The following EIF4G3 variants were observed in gnomAD, a reference collection of about 807,000 sequenced individuals.
The protein encoded by EIF4G3 is eukaryotic translation initiation factor 4 gamma 3.
EIF4G3 carries 34 observed loss-of-function variants against 186.4 expected under a neutral mutation model. The observed-to-expected ratio is 0.18, with a 90% confidence interval of 0.14 to 0.24. The LOEUF (loss-of-function observed/expected upper bound fraction) is 0.24. Ranked by LOEUF, EIF4G3 falls within the 10% of genes least tolerant of loss-of-function variation. The pLI, the probability that EIF4G3 is intolerant of heterozygous loss-of-function variation, is 1.00. For synonymous variants in EIF4G3, 673 were observed against 679.5 expected (o/e 0.99, Z 0.15); for missense variants, 1,536 against 1,948.5 (o/e 0.79, Z 3.99).
chr1:20,857,144 C>A (rs1239653471), intron 25 of EIF4G3, among the ~76,000 whole-genome samples: 1 of 99,118 alleles, frequency 1.0e-5, no homozygotes, highest in Non-Finnish European at 1.8e-5. Context: ...GCCTGGGCGA[C>A]AGAGTGAGAC....
chr1:20,960,025 C>T (rs1233515750), intron 12 of EIF4G3, among the ~76,000 whole-genome samples: 1 of 151,900 alleles, frequency 6.6e-6, no homozygotes, highest in Non-Finnish European at 1.5e-5. Flanking sequence ...TTTGATCCAG[C>T]AACCCCACTA....
intron 2 of EIF4G3, among the ~76,000 whole-genome samples, chr1:21,164,974 C>G (rs527632034): frequency 6.6e-6 from 1 of 152,168 alleles, no homozygotes; most frequent in Non-Finnish European, 1.5e-5. Context: ...AATAAAAAGA[C>G]ATATGACCCA....
At chr1:20,918,408 A>G (rs1025316385) in intron 14 of EIF4G3, among the ~76,000 whole-genome samples, 6 of 151,916 alleles carry the variant, frequency 3.9e-5, no homozygotes, top group Admixed American at 3.3e-4. Flanking sequence ...GGGTCTCCCT[A>G]TGTTGCCTAG....
chr1:20,940,476 A>G (rs1558336904), intron 14 of EIF4G3, among the ~76,000 whole-genome samples: 1 of 152,200 alleles, frequency 6.6e-6, no homozygotes, highest in Non-Finnish European at 1.5e-5. Context: ...ACATCTCAAA[A>G]GTAGGGATCA....
chr1:20,990,797 G>C (rs998323087), intron 7 of EIF4G3, among the ~76,000 whole-genome samples: 2 of 152,176 alleles, frequency 1.3e-5, no homozygotes, highest in South Asian at 4.1e-4. Flanking sequence ...AAAAATTCAC[G>C]ACTTGCTTTA....
At chr1:21,155,279 A>AAAG (rs1553309318) in intron 2 of EIF4G3, among the ~76,000 whole-genome samples, 1 of 150,354 alleles carries the variant, frequency 6.7e-6, no homozygotes, top group African/African-American at 2.4e-5. Flanking sequence ...AAAAAAAAAA[A>AAAG]AAAAAAAGAA....
intron 2 of EIF4G3, among the ~76,000 whole-genome samples, chr1:21,127,479 A>T (rs941056418): frequency 6.6e-6 from 1 of 152,212 alleles, no homozygotes; most frequent in Non-Finnish European, 1.5e-5. Flanking sequence ...TTGTGAAAAA[A>T]TGACTTGTTT....
At chr1:20,902,922 T>A (rs1037592927) in intron 15 of EIF4G3, among the ~76,000 whole-genome samples, 1 of 152,224 alleles carries the variant, frequency 6.6e-6, no homozygotes, top group African/African-American at 2.4e-5. Context: ...ATTATAGGCA[T>A]GAGCCACTGC....
intron 2 of EIF4G3, among the ~76,000 whole-genome samples, chr1:21,142,410 G>A (rs1410353017): frequency 6.6e-6 from 1 of 152,032 alleles, no homozygotes; most frequent in Admixed American, 6.6e-5. Context: ...AGGAGGCTGA[G>A]GTAGGAGGAT....
intron 30 of EIF4G3, among the ~76,000 whole-genome samples, chr1:20,840,117 C>T (rs2068065830): frequency 6.6e-6 from 1 of 152,046 alleles, no homozygotes; most frequent in Non-Finnish European, 1.5e-5. Context: ...CAACATGGCT[C>T]CTAAAACAAA....
rs936285519 is a variant in EIF4G3 at position 21,083,915 on chromosome 1, T to C, written c.-196+5223A>G. ...CATCTCCACAAATAGGACCACTCAG[T>C]TGCCCAAACCAAGATCTACGACACC... On this transcript the variant is annotated intron_variant, in intron 3 of 36. Coordinates refer to ENST00000602326, the MANE Select transcript of EIF4G3 (RefSeq NM_001391906.1). Among the ~76,000 whole-genome samples the C allele has an allele frequency of 5.3e-5, 8 of 152,124 alleles. 1 individual carries two copies. Among genetic ancestry groups the C allele is most frequent in the Admixed American group, 2.0e-4 (3 of 15,264 alleles).
rs551699625 is a variant in EIF4G3 at position 20,886,212 on chromosome 1, T to A, written c.2413A>T (p.Ile805Phe). The change falls in exon 19 of 37, where the codon ATT becomes TTT. Residue 805 changes from isoleucine to phenylalanine, a missense_variant. By Grantham distance (21) the Ile-to-Phe change is conservative. Coordinates refer to ENST00000602326, the MANE Select transcript of EIF4G3 (RefSeq NM_001391906.1). ...RDSQADDPEN[I>F]KTQELFRKVR... The stretch of plus-strand genomic sequence containing the variant: ...GCTTTTGTTCTCACCTGGGTTTTAA[T>A]GTTTTCGGGATCATCGGCTTGGCTG... 2 of 1,612,458 alleles carry A rather than the reference T, an allele frequency of 1.2e-6. No homozygotes were observed. The highest frequency in any genetic ancestry group is 4.5e-5 in the East Asian group (2 of 44,866).
intron 4 of EIF4G3, among the ~76,000 whole-genome samples, chr1:21,032,892 C>A (rs1304643231): frequency 2.0e-5 from 3 of 152,170 alleles, no homozygotes; most frequent in Non-Finnish European, 2.9e-5. Context: ...GAAATGAATT[C>A]TTTTCCTTAT....
Position 21,133,877 on chromosome 1 carries a change from T to A in EIF4G3, c.-272+42298A>T, listed in dbSNP as rs562338946. 1.2e-4 allele frequency among the ~76,000 whole-genome samples: 18 copies of A among 152,320 alleles called. No homozygotes were observed. The South Asian group carries it at 3.7e-3, about 32-fold the overall frequency. ...TAATCTAAGTATTGTCATTCTCATT[T>A]ATAGATAAATAAGTATCATCAGAAT... On this transcript the variant is annotated intron_variant, in intron 2 of 36. Transcript: ENST00000602326.
At chr1:21,046,904 A>G (rs2093926463) in intron 4 of EIF4G3, among the ~76,000 whole-genome samples, 2 of 152,190 alleles carry the variant, frequency 1.3e-5, no homozygotes, top group Admixed American at 6.5e-5. Context: ...ATACATATAT[A>G]TAAATCTTGA....
At chr1:20,909,528 T>TA (rs1007901113) in intron 14 of EIF4G3, among the ~76,000 whole-genome samples, 15 of 152,026 alleles carry the variant, frequency 9.9e-5, no homozygotes, top group East Asian at 1.9e-4. Flanking sequence ...GATATAAAGT[T>TA]AAAAAAAACA....
At chr1:21,144,571 T>C (rs930149193) in intron 2 of EIF4G3, among the ~76,000 whole-genome samples, 1 of 152,124 alleles carries the variant, frequency 6.6e-6, no homozygotes, top group African/African-American at 2.4e-5. Context: ...CTTCAATCAT[T>C]TTTATGGATG....
chr1:20,984,157 T>C (rs1428092921), intron 7 of EIF4G3, among the ~76,000 whole-genome samples: 1 of 152,238 alleles, frequency 6.6e-6, no homozygotes, highest in South Asian at 2.1e-4. Flanking sequence ...TATATTGATA[T>C]ACTAATTTTT....
chr1:20,918,356 C>T (rs1229282073), intron 14 of EIF4G3, among the ~76,000 whole-genome samples: 1 of 152,038 alleles, frequency 6.6e-6, no homozygotes, highest in Non-Finnish European at 1.5e-5. Context: ...ACCACAGTCA[C>T]GCACCAGCAC....
Sources: gnomAD v4.1 joint callset for allele counts (sites outside exome capture counted in the v4.1 genomes callset) on GRCh38, gnomAD v4.1.1 for gene constraint, MANE v1.5 for transcripts, NCBI Gene and HGNC (gene_info 2026-07-23, HGNC 2026-07-21) for gene names.